Variants in RTN4 observed in about 807,000 individuals in gnomAD.
The protein encoded by RTN4 is reticulon 4.
RTN4 carries 32 observed loss-of-function variants against 90.4 expected under a neutral mutation model. The ratio of observed to expected loss-of-function variants is 0.35; its 90% CI spans 0.27 to 0.48. The LOEUF is 0.48. Ranked by LOEUF, RTN4 falls within the 20% of genes least tolerant of loss-of-function variation. RTN4 has a pLI of 0.99. For synonymous variants in RTN4, 629 were observed against 552.5 expected, an observed-to-expected ratio of 1.14 and a Z score of -1.94; for missense variants, 1,706 against 1,430.2, an observed-to-expected ratio of 1.19 and a Z score of -3.11.
At chr2:55,119,826 G>A in the RTN4 span, among the ~76,000 whole-genome samples, 3 of 152,138 alleles carry the variant, frequency 2.0e-5, no homozygotes, top group East Asian at 1.9e-4. Context: ...TTGAGAAAAC[G>A]GGATTAGCTA....
intron 1 of RTN4, among the ~76,000 whole-genome samples, chr2:55,047,485 G>A (rs1354224529): frequency 6.6e-6 from 1 of 151,910 alleles, no homozygotes; most frequent in Non-Finnish European, 1.5e-5. Context: ...GTTTTGAGTA[G>A]TATGGGGGTG....
At chr2:55,083,886 C>T (rs1199948868) in intron 1 of RTN4, among the ~76,000 whole-genome samples, 2 of 152,198 alleles carry the variant, frequency 1.3e-5, no homozygotes, top group Non-Finnish European at 2.9e-5. Context: ...TTGCTAGGTG[C>T]ATTCTTTGTT....
rs1196505015 is a variant in RTN4, at chr2:55,049,957, G to C, written c.344C>G (p.Ser115Trp). The change falls in exon 1 of 9, where the codon TCG becomes TGG. Residue 115 changes from serine (S) to tryptophan (W), a missense_variant. Ser to Trp is a radical substitution (Grantham distance 177). Coordinates refer to ENST00000337526, the MANE Select transcript of RTN4 (RefSeq NM_020532.5). Reference protein sequence around the residue: ...QPSWDPSPVSSTVPAPSPLSA... With the variant: ...QPSWDPSPVSWTVPAPSPLSA... ...CAGCGGGGATGGCGCGGGCACGGTCGACGACACCGGGCTCGGGTCCCAAGA... is the reference window on the plus strand; with the variant it reads ...CAGCGGGGATGGCGCGGGCACGGTCCACGACACCGGGCTCGGGTCCCAAGA... 1 of 1,364,272 alleles carries C rather than the reference G, an allele frequency of 7.3e-7. No individual in the cohort carries two copies. The highest frequency in any genetic ancestry group is 3.9e-5 in the Admixed American group (1 of 25,506). The allele number at this position is 1,364,272 out of a possible 1,614,324, so 84.5% of individuals were successfully genotyped here.
intron 1 of RTN4, among the ~76,000 whole-genome samples, chr2:55,045,143 G>A (rs1246524321): frequency 6.6e-6 from 1 of 152,108 alleles, no homozygotes; most frequent in Non-Finnish European, 1.5e-5. Context: ...GTAAAAACTA[G>A]TAATTTTTAA....
intron 1 of RTN4, among the ~76,000 whole-genome samples, chr2:55,084,951 C>T (rs1668809124): frequency 6.6e-6 from 1 of 152,126 alleles, no homozygotes; most frequent in Non-Finnish European, 1.5e-5. Flanking sequence ...CCATGTCCAG[C>T]TAATTTTTAA....
chr2:55,129,003 G>C, the RTN4 span, among the ~76,000 whole-genome samples: 3 of 151,504 alleles, frequency 2.0e-5, no homozygotes, highest in Non-Finnish European at 4.4e-5. Flanking sequence ...AGCTACTCGG[G>C]AGGCTGAGGC....
At chr2:55,034,405 G>A (rs1164721252) in intron 1 of RTN4, among the ~76,000 whole-genome samples, 4 of 152,172 alleles carry the variant, frequency 2.6e-5, no homozygotes, top group Admixed American at 1.3e-4. Flanking sequence ...GGGAGGCTGA[G>A]GTGGGAGGAT....
intron 3 of RTN4, among the ~76,000 whole-genome samples, chr2:55,019,008 G>A (rs1681235667): frequency 6.6e-6 from 1 of 152,192 alleles, no homozygotes; most frequent in South Asian, 2.1e-4. Flanking sequence ...AGGCTAGAAA[G>A]TAAGAAATGC....
At chr2:55,123,565 C>A in the RTN4 span, among the ~76,000 whole-genome samples, 1 of 151,864 alleles carries the variant, frequency 6.6e-6, no homozygotes, top group Non-Finnish European at 1.5e-5. Context: ...AAAAGTAAAA[C>A]TTTTGATGAC....
chr2:55,041,315 AT>A (rs1277283930), intron 1 of RTN4, among the ~76,000 whole-genome samples: 7 of 152,124 alleles, frequency 4.6e-5, no homozygotes, highest in African/African-American at 1.7e-4. Flanking sequence ...CACCGAATGT[AT>A]TTCAATTCTC....
chr2:55,002,844 G>A (rs569336312), intron 3 of RTN4, among the ~76,000 whole-genome samples: 1 of 152,242 alleles, frequency 6.6e-6, no homozygotes, highest in South Asian at 2.1e-4. Flanking sequence ...CTGTATTTCT[G>A]ATACATGTTG....
rs540553714 is a variant in RTN4, at chr2:55,104,740, T to C, written c.-214+7780A>G. On this transcript the variant is annotated intron_variant, in intron 1 of 3. Transcript: ENST00000427710. The stretch of plus-strand genomic sequence containing the variant: ...TGAGCATTGGGAAATAATAATTTTT[T>C]TAAAAAAAGAAACTTCCTAGATTAA... Among the ~76,000 whole-genome samples, 14 of 152,210 alleles carry C rather than the reference T, an allele frequency of 9.2e-5. No individual in the cohort carries two copies. The East Asian group carries it at 2.7e-3, about 29-fold the overall frequency.
At chr2:55,134,752 T>G in the RTN4 span, among the ~76,000 whole-genome samples, 1 of 152,124 alleles carries the variant, frequency 6.6e-6, no homozygotes, top group African/African-American at 2.4e-5. Context: ...CCCAAGCTTT[T>G]TGGGCCCACC....
At chr2:55,116,112 T>TTTTTTGG (rs1668120496), upstream of RTN4, among the ~76,000 whole-genome samples, 3 of 144,772 alleles carry the variant, frequency 2.1e-5, no homozygotes, top group Non-Finnish European at 3.0e-5. Context: ...TTTTTTTTTT[T>TTTTTTGG]GAGATTGGGT....
Position 54,972,295 on chromosome 2 carries a change from GTAAT to G in RTN4, c.*857_*860del, listed in dbSNP as rs922485104. The G allele has an allele frequency of 3.9e-5, 6 of 152,724 alleles. No individual in the cohort carries two copies. Among genetic ancestry groups the G allele is most frequent in the Middle Eastern group, 3.4e-3 (1 of 294 alleles). 9.5% of individuals were successfully genotyped at this position (152,724 alleles called of 1,614,324 possible). On this transcript the variant is annotated 3_prime_UTR_variant, in exon 9 of 9. Transcript: ENST00000337526. ...CCACAATGGTATAAATCTTCATTTTGTAATTAATAATTTCTTGCATAACAATGTT... is the reference window on the plus strand; with the variant it reads ...CCACAATGGTATAAATCTTCATTTTGTAATAATTTCTTGCATAACAATGTT...
At chr2:55,114,279 A>G (rs903303327), upstream of RTN4, among the ~76,000 whole-genome samples, 4 of 152,200 alleles carry the variant, frequency 2.6e-5, no homozygotes, top group Admixed American at 2.6e-4. Context: ...TTTGTGAATT[A>G]GTCTGCAGCT....
At chr2:55,106,908 C>G (rs926000590) in intron 1 of RTN4, among the ~76,000 whole-genome samples, 18 of 152,152 alleles carry the variant, frequency 1.2e-4, no homozygotes, top group Non-Finnish European at 2.5e-4. Context: ...AGACAGTACA[C>G]AAACACTAGC....
At chr2:55,093,019 C>CGTGTGTACCATAGA (rs1558876890) in intron 1 of RTN4, among the ~76,000 whole-genome samples, 2 of 152,162 alleles carry the variant, frequency 1.3e-5, no homozygotes, top group East Asian at 3.8e-4. Flanking sequence ...ATAAAAATAA[C>CGTGTGTACCATAGA]CATTGTGTGT....
chr2:55,070,787 C>T (rs1370684249), intron 2 of RTN4, among the ~76,000 whole-genome samples: 1 of 144,776 alleles, frequency 6.9e-6, no homozygotes, highest in African/African-American at 2.5e-5. Context: ...TTTTGTTTTT[C>T]GTTTTTTTTG....
Sources: allele counts gnomAD v4.1 joint callset (sites outside exome capture counted in the v4.1 genomes callset), GRCh38; gene constraint gnomAD v4.1.1; transcripts MANE v1.5; gene names NCBI Gene and HGNC (gene_info 2026-07-23, HGNC 2026-07-21).